The following PPP2R3B variants were observed in gnomAD, a reference collection of about 807,000 sequenced individuals.
PPP2R3B encodes protein phosphatase 2 regulatory subunit B''beta.
Under a neutral mutation model 72.9 loss-of-function variants are expected in PPP2R3B, and 68 were observed. The observed-to-expected ratio is 0.93, with a 90% CI of 0.77 to 1.14. The LOEUF is 1.14. Among genes scored for constraint, PPP2R3B ranks in the 50% most tolerant of loss-of-function variants. The probability of loss-of-function intolerance (pLI) is 0.00; values close to 1 mark genes in which losing one functional copy is unlikely to be tolerated. For missense variants in PPP2R3B, 1,018 were observed against 842.0 expected, an observed-to-expected ratio of 1.21 and a Z score of -2.59; for synonymous variants, 466 against 375.8, an observed-to-expected ratio of 1.24 and a Z score of -2.78.
In PPP2R3B at chrX:366,566, A is replaced by C. The variant is rs183602680; in HGVS notation, c.325-4976T>G. On this transcript the variant is annotated intron_variant, in intron 1 of 12. Coordinates refer to ENST00000390665, the MANE Select transcript of PPP2R3B (RefSeq NM_013239.5). ...ACAAACGATTAACCAGGTGTGGTGGAGGGTGCCTGTACTCCCAGCTACTCG... is the reference window on the plus strand; with the variant it reads ...ACAAACGATTAACCAGGTGTGGTGGCGGGTGCCTGTACTCCCAGCTACTCG... Among the ~76,000 whole-genome samples the C allele has an allele frequency of 1.4e-3, 6 of 4,288 alleles. 2 individuals carry two copies. Among genetic ancestry groups the C allele is most frequent in the African/African-American group, 0.011 (4 of 356 alleles). 2.8% of individuals were successfully genotyped at this position (4,288 alleles called of 152,430 possible). A position where few individuals can be genotyped will look rare whatever the true frequency, so the allele number is the denominator to read the frequency against.
rs770875590 is a variant in PPP2R3B, at chrX:347,124, GT to G, written c.717+109del. 1,197 of 1,204,182 alleles carry G rather than the reference GT, an allele frequency of 9.9e-4. 7 individuals carry two copies. The East Asian group carries it at 0.011, about 11-fold the overall frequency. 74.6% of individuals were successfully genotyped at this position (1,204,182 alleles called of 1,614,324 possible). A position where few individuals can be genotyped will look rare whatever the true frequency, so the allele number is the denominator to read the frequency against. On this transcript the variant is annotated intron_variant, in intron 4 of 12. Transcript: ENST00000390665. ...GTGCGGTGTAGACGCGGACCCTCCC[GT>G]GAGGGATGAGGCGTGTGGTGTAGAC... is the stretch of plus-strand genomic sequence containing the variant.
At chrX:355,703 T>C (rs1407720561) in intron 2 of PPP2R3B, among the ~76,000 whole-genome samples, 1 of 138,774 alleles carries the variant, frequency 7.2e-6, no homozygotes, top group Non-Finnish European at 1.5e-5. Context: ...TTGTGTGAAT[T>C]TTCCCATAAT....
At chrX:350,130 CTCAG>C (rs1342114417) in intron 2 of PPP2R3B, among the ~76,000 whole-genome samples, 5 of 152,204 alleles carry the variant, frequency 3.3e-5, no homozygotes, top group Non-Finnish European at 5.9e-5. Context: ...GTAATGAAGA[CTCAG>C]TCAGTCTCTG....
Position 338,870 on chromosome X carries a change from G to A in PPP2R3B, c.1378C>T (p.Arg460Cys), listed in dbSNP as rs185988850. 20 of 1,612,410 alleles carry A rather than the reference G, an allele frequency of 1.2e-5. No individual in the cohort carries two copies. Among genetic ancestry groups the A allele is most frequent in the Admixed American group, 3.3e-5 (2 of 60,014 alleles). The change falls in exon 11 of 13, where the codon CGC becomes TGC. Residue 460 changes from arginine (R) to cysteine (C), a missense_variant. Coordinates refer to ENST00000390665, the MANE Select transcript of PPP2R3B (RefSeq NM_013239.5). ...EGKITLQDLK[R>C]CKLANVFFDT... ...AAGAAGACGTTAGCCAGCTTGCAGCGCTTCAGGTCCTGCAGCGTGATCTTC... is the reference window on the plus strand; with the variant it reads ...AAGAAGACGTTAGCCAGCTTGCAGCACTTCAGGTCCTGCAGCGTGATCTTC...
At chrX:341,493 C>CCCA (rs1556118321) in intron 8 of PPP2R3B, 97 bp from the exon 9 acceptor site, 26 of 1,318,014 alleles carry the variant, frequency 2.0e-5, no homozygotes, top group Non-Finnish European at 2.6e-5. Context: ...AGGGGAGCCC[C>CCCA]CCGGGCCCGG....
In PPP2R3B at chrX:386,352, AG is replaced by A. The variant is rs761861194; in HGVS notation, c.324+15del. 2.3e-6 allele frequency: 3 copies of A among 1,309,312 alleles called. No individual in the cohort carries two copies. The East Asian group carries it at 8.4e-5, about 37-fold the overall frequency. 81.1% of individuals were successfully genotyped at this position (1,309,312 alleles called of 1,614,324 possible). A position where few individuals can be genotyped will look rare whatever the true frequency, so the allele number is the denominator to read the frequency against. ...AGCCACCTGCGCAGTTGTTAGCAGAAGGAAGAGTAACTTACTACTCTCGTCC... is the reference window on the plus strand; with the variant it reads ...AGCCACCTGCGCAGTTGTTAGCAGAAGAAGAGTAACTTACTACTCTCGTCC... On this transcript the variant is annotated intron_variant, in intron 1 of 12. Transcript: ENST00000390665.
At chrX:346,482 A>G (rs962631225) in intron 5 of PPP2R3B, 2 of 629,014 alleles carry the variant, frequency 3.2e-6, no homozygotes, top group African/African-American at 1.9e-5. Context: ...ACACGGGCCC[A>G]GGACAGGTGG....
At chrX:346,139 A>AGGCAGGGGGCAGGG (rs760279749) in intron 6 of PPP2R3B, 35 bp downstream of exon 6, 16 of 1,278,656 alleles carry the variant, frequency 1.3e-5, no homozygotes, top group African/African-American at 6.9e-5. Flanking sequence ...GGTAGGGACA[A>AGGCAGGGGGCAGGG]GGCAGGGGGC....
intron 1 of PPP2R3B, among the ~76,000 whole-genome samples, chrX:368,142 G>A (rs2071764626): frequency 1.3e-5 from 2 of 150,736 alleles, no homozygotes. Flanking sequence ...CACCCACCCT[G>A]GGCACAGACA....
intron 1 of PPP2R3B, among the ~76,000 whole-genome samples, chrX:363,449 C>A (rs2071594487): frequency 1.3e-5 from 2 of 151,766 alleles, no homozygotes; most frequent in Admixed American, 6.6e-5. Context: ...AATGCATCTC[C>A]CCGAGCCCAC....
At chrX:352,002 C>T (rs2071341766) in intron 2 of PPP2R3B, among the ~76,000 whole-genome samples, 1 of 152,172 alleles carries the variant, frequency 6.6e-6, no homozygotes, top group African/African-American at 2.4e-5. Context: ...GACAGCTGCA[C>T]CCCCGGCGTC....
chrX:345,643 G>A lies in PPP2R3B; in HGVS notation c.909C>T (p.Asp303=). Residue 303 remains aspartate, a synonymous_variant, in exon 7 of 13, where the codon GAC becomes GAT. Transcript: ENST00000390665. ...QNVALLEEEA[D]INQLTEFFSY... ...AGAAGAATTCGGTCAGCTGGTTGAT[G>A]TCCGCCTCCTCCTCCAGCAGCGCCA... The A allele has an allele frequency of 6.2e-7, 1 of 1,613,058 alleles. No homozygotes were observed. The highest frequency in any genetic ancestry group is 8.5e-7 in the Non-Finnish European group (1 of 1,179,518).
chrX:346,891 C>T, intron 4 of PPP2R3B, 116 bp from the exon 5 acceptor site: 7 of 990,976 alleles, frequency 7.1e-6, no homozygotes, highest in South Asian at 5.9e-5. Flanking sequence ...GCGGTGTAGA[C>T]GCCGGCCCTC....
chrX:348,044 C>T (rs1228886524), intron 2 of PPP2R3B, among the ~76,000 whole-genome samples: 5 of 152,084 alleles, frequency 3.3e-5, no homozygotes, highest in Non-Finnish European at 7.4e-5. Context: ...CCAGGCAACG[C>T]GGTGAATCGG....
chrX:346,125 G>A, intron 6 of PPP2R3B, 49 bp downstream of exon 6: 1 of 1,374,286 alleles, frequency 7.3e-7, no homozygotes, highest in Non-Finnish European at 9.8e-7. Context: ...GTGGAGGTAG[G>A]AGGGGTAGGG....
intron 1 of PPP2R3B, among the ~76,000 whole-genome samples, chrX:378,861 G>A (rs534362603): frequency 1.3e-5 from 2 of 152,304 alleles, no homozygotes; most frequent in African/African-American, 2.4e-5. Context: ...AGACAGGCAC[G>A]CACCTGTACA....
At chrX:364,598 C>T (rs76078647) in intron 1 of PPP2R3B, among the ~76,000 whole-genome samples, 1 of 139,584 alleles carries the variant, frequency 7.2e-6, no homozygotes, top group Non-Finnish European at 1.5e-5. Context: ...GGTGCCTGTA[C>T]TCCCAGCTAC....
intron 7 of PPP2R3B, chrX:345,050 A>G (rs941661306): frequency 1.3e-5 from 5 of 390,746 alleles, no homozygotes; most frequent in Admixed American, 3.1e-5. Flanking sequence ...TGCTGTGAGG[A>G]CACCTGGGCG....
intron 2 of PPP2R3B, among the ~76,000 whole-genome samples, chrX:353,682 G>A (rs1004466145): frequency 9.8e-5 from 15 of 152,378 alleles, no homozygotes; most frequent in African/African-American, 3.1e-4. Context: ...GCGAGGCCTG[G>A]CAATGTGGAC....
Sources: allele counts gnomAD v4.1 joint callset (sites outside exome capture counted in the v4.1 genomes callset), GRCh38; gene constraint gnomAD v4.1.1; transcripts MANE v1.5; gene names NCBI Gene and HGNC (gene_info 2026-07-23, HGNC 2026-07-21).